The following GRIA1 variants were observed in gnomAD, a reference collection of about 807,000 sequenced individuals.
GRIA1 encodes the protein glutamate ionotropic receptor AMPA type subunit 1, also known as glutamate receptor 1.
In GRIA1, 31 loss-of-function variants were observed where a neutral mutation model predicts 99.2. That is an observed-to-expected ratio of 0.31 (90% CI 0.23 to 0.42). The LOEUF (loss-of-function observed/expected upper bound fraction) is 0.42. GRIA1 is among the 10% of genes least tolerant of loss of function. The probability of loss-of-function intolerance (pLI) is 1.00; values close to 1 mark genes in which losing one functional copy is unlikely to be tolerated. For synonymous variants in GRIA1, 438 were observed against 432.4 expected, an observed-to-expected ratio of 1.01 and a Z score of -0.16; for missense variants, 782 against 1,157.5, an observed-to-expected ratio of 0.68 and a Z score of 4.71.
At chr5:153,720,940 C>A (rs1053373087) in intron 11 of GRIA1, among the ~76,000 whole-genome samples, 6 of 152,152 alleles carry the variant, frequency 3.9e-5, no homozygotes, top group Non-Finnish European at 5.9e-5. Flanking sequence ...AGTGAACTTA[C>A]AAAGTTCAGG....
intron 6 of GRIA1, among the ~76,000 whole-genome samples, chr5:153,676,565 C>G (rs1756600665): frequency 6.6e-6 from 1 of 152,198 alleles, no homozygotes; most frequent in Admixed American, 6.5e-5. Context: ...CTCTTGGTTT[C>G]CAGCTGATGA....
Position 153,767,516 on chromosome 5 carries a change from C to T in GRIA1, c.2023-2652C>T, listed in dbSNP as rs116644122. 6.0e-3 allele frequency among the ~76,000 whole-genome samples: 917 copies of T among 152,242 alleles called. 10 individuals are homozygous for T. Among genetic ancestry groups the T allele is most frequent in the African/African-American group, 0.021 (876 of 41,550 alleles). On this transcript the variant is annotated intron_variant, in intron 12 of 15. Transcript: ENST00000285900. Reference sequence around the variant, plus strand: ...CTTTACCTGTAAAAGGAGAGTACTGCCAAGATATGTCCCATGCATAAGCCT... The same window carrying T: ...CTTTACCTGTAAAAGGAGAGTACTGTCAAGATATGTCCCATGCATAAGCCT...
At chr5:153,548,342 T>A (rs1222181574) in intron 2 of GRIA1, among the ~76,000 whole-genome samples, 2 of 152,170 alleles carry the variant, frequency 1.3e-5, no homozygotes, top group African/African-American at 2.4e-5. Flanking sequence ...ATGTATTTTT[T>A]AAAAATCTTC....
chr5:153,767,746 C>A (rs115069231), intron 12 of GRIA1, among the ~76,000 whole-genome samples: 1 of 152,176 alleles, frequency 6.6e-6, no homozygotes, highest in East Asian at 1.9e-4. Context: ...GATGCTTAAT[C>A]CTCCATCGAC....
chr5:153,551,297 A>C (rs959344954), intron 2 of GRIA1, among the ~76,000 whole-genome samples: 12 of 152,092 alleles, frequency 7.9e-5, no homozygotes, highest in Non-Finnish European at 1.5e-4. Context: ...CATTTATTTG[A>C]ATGTTGTAGA....
intron 2 of GRIA1, among the ~76,000 whole-genome samples, chr5:153,535,385 G>A (rs1238437781): frequency 6.6e-6 from 1 of 152,138 alleles, no homozygotes; most frequent in Non-Finnish European, 1.5e-5. Context: ...TGGCTTCTTA[G>A]CCTGTTGGAG....
chr5:153,640,586 G>A (rs951806096), intron 2 of GRIA1, among the ~76,000 whole-genome samples: 1 of 152,212 alleles, frequency 6.6e-6, no homozygotes, highest in Non-Finnish European at 1.5e-5. Context: ...GCTTAACACT[G>A]TGCCCGGCCT....
rs57442019 is a variant in GRIA1 at position 153,541,928 on chromosome 5, CAAAAAAAAA to C, written c.220+47879_220+47887del. 1.0e-4 allele frequency among the ~76,000 whole-genome samples: 10 copies of C among 97,432 alleles called. No homozygotes were observed. In the East Asian group the frequency reaches 2.4e-3, roughly 24 times the overall value. The allele number at this position is 97,432 out of a possible 152,430, so 63.9% of individuals were successfully genotyped here. On this transcript the variant is annotated intron_variant, in intron 2 of 15. Coordinates refer to ENST00000285900, the MANE Select transcript of GRIA1 (RefSeq NM_000827.4). ...CGGGTGACAGAACGAGATCCTGTTT[CAAAAAAAAA>C]AAAAAAAAAAAAAAACAAGAAAAGT...
intron 2 of GRIA1, 104 bp downstream of exon 2, chr5:153,494,169 T>C: frequency 7.9e-7 from 1 of 1,267,476 alleles, no homozygotes; most frequent in South Asian, 1.4e-5. Context: ...CAGTTGCCAT[T>C]CGTCTTTGTA....
intron 2 of GRIA1, among the ~76,000 whole-genome samples, chr5:153,497,804 C>G (rs1320514134): frequency 6.6e-6 from 1 of 152,164 alleles, no homozygotes; most frequent in African/African-American, 2.4e-5. Flanking sequence ...ATGCAGACAA[C>G]AGTAAGTTGC....
At chr5:153,574,048 G>A (rs1248455546) in intron 2 of GRIA1, among the ~76,000 whole-genome samples, 2 of 152,308 alleles carry the variant, frequency 1.3e-5, no homozygotes, top group East Asian at 3.9e-4. Flanking sequence ...TCAAGAACAA[G>A]TGATGTGCAG....
intron 11 of GRIA1, among the ~76,000 whole-genome samples, chr5:153,761,896 T>C (rs1368274592): frequency 6.6e-6 from 1 of 152,214 alleles, no homozygotes; most frequent in East Asian, 1.9e-4. Flanking sequence ...TACATTATGT[T>C]AAGTGAAATA....
At chr5:153,738,997 C>T (rs1242842397) in intron 11 of GRIA1, among the ~76,000 whole-genome samples, 2 of 151,494 alleles carry the variant, frequency 1.3e-5, no homozygotes, top group Non-Finnish European at 2.9e-5. Context: ...GCTGGGATTA[C>T]AGGTGTGAGC....
chr5:153,514,032 C>T (rs1210318745), intron 2 of GRIA1, among the ~76,000 whole-genome samples: 1 of 152,176 alleles, frequency 6.6e-6, no homozygotes, highest in East Asian at 1.9e-4. Context: ...TAAGCCTTGG[C>T]TATGCTGGCC....
At chr5:153,544,452 G>T (rs919884212) in intron 2 of GRIA1, among the ~76,000 whole-genome samples, 4 of 152,164 alleles carry the variant, frequency 2.6e-5, no homozygotes, top group Admixed American at 6.5e-5. Context: ...AGTCAGGGAG[G>T]TTCTCCCCAC....
At chr5:153,703,947 C>A (rs973949391) in intron 10 of GRIA1, among the ~76,000 whole-genome samples, 5 of 152,008 alleles carry the variant, frequency 3.3e-5, no homozygotes, top group African/African-American at 1.2e-4. Flanking sequence ...GGTTTACAAA[C>A]AAAAAAGTAA....
At chr5:153,788,277 C>T (rs1259060734) in intron 13 of GRIA1, among the ~76,000 whole-genome samples, 1 of 152,122 alleles carries the variant, frequency 6.6e-6, no homozygotes, top group Non-Finnish European at 1.5e-5. Flanking sequence ...CCTGAACGTA[C>T]AGCCTCTCTT....
intron 11 of GRIA1, among the ~76,000 whole-genome samples, chr5:153,727,173 A>G (rs1164970744): frequency 1.3e-5 from 2 of 152,250 alleles, no homozygotes; most frequent in Non-Finnish European, 2.9e-5. Context: ...AAGGCCTTTG[A>G]CAAAATTCAA....
At chr5:153,749,478 G>A (rs571320869) in intron 11 of GRIA1, among the ~76,000 whole-genome samples, 17 of 152,274 alleles carry the variant, frequency 1.1e-4, no homozygotes, top group African/African-American at 3.6e-4. Flanking sequence ...TCCCACTCAC[G>A]GAGGAAGGCA....
Sources: gnomAD v4.1 joint callset for allele counts (sites outside exome capture counted in the v4.1 genomes callset) on GRCh38, gnomAD v4.1.1 for gene constraint, MANE v1.5 for transcripts, NCBI Gene and HGNC (gene_info 2026-07-23, HGNC 2026-07-21) for gene names.